The following MLLT3 variants were observed in gnomAD, a reference collection of about 807,000 sequenced individuals.
MLLT3 encodes protein AF-9.
A neutral mutation model predicts 53.2 loss-of-function variants in MLLT3; 4 were observed. That is an observed-to-expected ratio of 0.08 (90% CI 0.04 to 0.17). MLLT3 has a LOEUF of 0.17. MLLT3 is among the 10% of genes least tolerant of loss of function. The probability of loss-of-function intolerance (pLI) is 1.00; values close to 1 mark genes in which losing one functional copy is unlikely to be tolerated. For synonymous variants in MLLT3, 283 were observed against 230.6 expected, an observed-to-expected ratio of 1.23 and a Z score of -2.06; for missense variants, 569 against 684.0, an observed-to-expected ratio of 0.83 and a Z score of 1.87.
intron 2 of MLLT3, among the ~76,000 whole-genome samples, chr9:20,574,294 A>G (rs1819600745): frequency 6.6e-6 from 1 of 152,206 alleles, no homozygotes; most frequent in Non-Finnish European, 1.5e-5. Flanking sequence ...GTTCAAAGGA[A>G]CCTAATTCCA....
At position 20,620,109 on chromosome 9, in the gene MLLT3, A is replaced by G. The variant is rs1587139410; in HGVS notation, c.193+545T>C. On this transcript the variant is annotated intron_variant, in intron 2 of 10. Transcript: ENST00000380338. This position sits in a 1 kb window ranked among gnomAD's most constrained non-coding sequence, Gnocchi z 6.1. ...GGCTAAGCCACAAAAAGAAAAGTCT[A>G]TGGCAACTGGCACCTGGTGCCTCAT... Among the ~76,000 whole-genome samples, 1 of 152,118 alleles carries G rather than the reference A, an allele frequency of 6.6e-6. No homozygotes were observed. Among genetic ancestry groups the G allele is most frequent in the East Asian group, 1.9e-4 (1 of 5,178 alleles).
At position 20,341,837 on chromosome 9, in the gene MLLT3, G is replaced by A. The variant is rs919437267; in HGVS notation, c.*4606C>T. On this transcript the variant is annotated 3_prime_UTR_variant, in exon 11 of 11. Coordinates refer to ENST00000380338, the MANE Select transcript of MLLT3 (RefSeq NM_004529.4). ...CTGAACAAAACCCTCCAAAGAAATAGGGGGGAAAGAAAAAATACCGGGCAC... is the reference window on the plus strand; with the variant it reads ...CTGAACAAAACCCTCCAAAGAAATAAGGGGGAAAGAAAAAATACCGGGCAC... 1 of 205,366 alleles carries A rather than the reference G, an allele frequency of 4.9e-6. No homozygotes were observed. The highest frequency in any genetic ancestry group is 2.3e-5 in the African/African-American group (1 of 43,650). The allele number at this position is 205,366 out of a possible 1,614,324, so 12.7% of individuals were successfully genotyped here.
chr9:20,346,090 A>G lies in MLLT3; in HGVS notation c.*353T>C, dbSNP rs1191990134. 1 of 264,680 alleles carries G rather than the reference A, an allele frequency of 3.8e-6. No homozygotes were observed. The highest frequency in any genetic ancestry group is 5.5e-5 in the East Asian group (1 of 18,084). The allele number at this position is 264,680 out of a possible 1,614,324, so 16.4% of individuals were successfully genotyped here. On this transcript the variant is annotated 3_prime_UTR_variant, in exon 11 of 11. Transcript: ENST00000380338. The stretch of plus-strand genomic sequence containing the variant: ...GTTGAATATGCATTCGTCCTGTGGA[A>G]TGAACCACCACAGAGAGATACATGA...
At position 20,448,047 on chromosome 9, in the gene MLLT3, A is replaced by G; in HGVS notation, c.420+76T>C. ...ACCTTATACTTTTTAACACATGAGG[A>G]ACTAGTTTGTTTGTTTTTTTTTTTG... On this transcript the variant is annotated intron_variant, in intron 4 of 10. Coordinates refer to ENST00000380338, the MANE Select transcript of MLLT3 (RefSeq NM_004529.4). The surrounding 1 kb of genome is among the most constrained non-coding windows in gnomAD (Gnocchi z 4.0). The G allele has an allele frequency of 6.8e-7, 1 of 1,472,500 alleles. No individual in the cohort carries two copies. Among genetic ancestry groups the G allele is most frequent in the South Asian group, 1.3e-5 (1 of 78,368 alleles). 91.2% of individuals were successfully genotyped at this position (1,472,500 alleles called of 1,614,324 possible).
At chr9:20,456,845 CT>C in intron 2 of MLLT3, 59 bp from the exon 3 acceptor site, 2 of 1,283,170 alleles carry the variant, frequency 1.6e-6, no homozygotes, top group Non-Finnish European at 1.1e-6. Context: ...AGACATTCTT[CT>C]TTTAAAAAAA....
At chr9:20,382,102 C>A (rs186982774) in intron 5 of MLLT3, among the ~76,000 whole-genome samples, 29 of 151,770 alleles carry the variant, frequency 1.9e-4, no homozygotes, top group Admixed American at 1.8e-3. Context: ...CACTGGGGCT[C>A]CTATTTTAAA....
At chr9:20,406,531 A>G (rs1822581346) in intron 5 of MLLT3, among the ~76,000 whole-genome samples, 1 of 152,226 alleles carries the variant, frequency 6.6e-6, no homozygotes, top group African/African-American at 2.4e-5. Flanking sequence ...TAGGAGTGTC[A>G]CATAATAAAG....
intron 2 of MLLT3, among the ~76,000 whole-genome samples, chr9:20,557,549 A>C (rs1819094053): frequency 6.6e-6 from 1 of 152,196 alleles, no homozygotes; most frequent in African/African-American, 2.4e-5. Context: ...CCAGATTTTT[A>C]CTGTGTAGAC....
intron 2 of MLLT3, among the ~76,000 whole-genome samples, chr9:20,591,605 A>C (rs1820131403): frequency 6.6e-6 from 1 of 152,240 alleles, no homozygotes; most frequent in African/African-American, 2.4e-5. Flanking sequence ...GAATATCGCG[A>C]AATGTTTAGG....
chr9:20,463,561 A>T (rs1341296336), intron 2 of MLLT3, among the ~76,000 whole-genome samples: 1 of 152,158 alleles, frequency 6.6e-6, no homozygotes, highest in Non-Finnish European at 1.5e-5. Context: ...TACATCTTTC[A>T]CTAAAATTGA....
At chr9:20,561,577 T>C (rs1349556358) in intron 2 of MLLT3, among the ~76,000 whole-genome samples, 2 of 152,174 alleles carry the variant, frequency 1.3e-5, no homozygotes. Flanking sequence ...AAGTTGTCTT[T>C]AAAGTCCAAG....
chr9:20,357,293 T>G (rs1380237555), intron 8 of MLLT3, among the ~76,000 whole-genome samples: 1 of 152,206 alleles, frequency 6.6e-6, no homozygotes, highest in African/African-American at 2.4e-5. Flanking sequence ...GATGTGGTAT[T>G]TTGTTTTTGT....
intron 2 of MLLT3, among the ~76,000 whole-genome samples, chr9:20,562,062 T>C (rs1819229979): frequency 6.6e-6 from 1 of 152,118 alleles, no homozygotes; most frequent in South Asian, 2.1e-4. Context: ...CTATAAATAT[T>C]TTATGTCATA....
chr9:20,462,231 T>C (rs1050634749), intron 2 of MLLT3, among the ~76,000 whole-genome samples: 2 of 152,234 alleles, frequency 1.3e-5, no homozygotes, highest in East Asian at 1.9e-4. Context: ...AGATTCACCA[T>C]TGATTTTATT....
chr9:20,348,325 A>ATT (rs894314129), intron 10 of MLLT3, among the ~76,000 whole-genome samples: 13 of 152,120 alleles, frequency 8.5e-5, no homozygotes, highest in African/African-American at 3.1e-4. Flanking sequence ...AGATGCTGCT[A>ATT]TTTACAATTT....
intron 10 of MLLT3, 99 bp from the exon 11 acceptor site, chr9:20,346,673 T>C: frequency 8.7e-7 from 1 of 1,147,724 alleles, no homozygotes; most frequent in Middle Eastern, 2.0e-4. Context: ...AATCAAGTGA[T>C]AAATATTCGT....
At position 20,620,577 on chromosome 9, in the gene MLLT3, G is replaced by A; in HGVS notation, c.193+77C>T. ...AGCGCGGCGCGGGGGGCGGGGAGCG[G>A]GACAGCGGGACCGCCCGGGCCAAGC... On this transcript the variant is annotated intron_variant, in intron 2 of 10. Transcript: ENST00000380338. The surrounding 1 kb of genome is among the most constrained non-coding windows in gnomAD (Gnocchi z 6.1). 1 of 1,409,684 alleles carries A rather than the reference G, an allele frequency of 7.1e-7. No individual in the cohort carries two copies. The highest frequency in any genetic ancestry group is 2.1e-5 in the Admixed American group (1 of 47,668). The allele number at this position is 1,409,684 out of a possible 1,614,324, so 87.3% of individuals were successfully genotyped here.
chr9:20,543,252 A>G (rs977716840), intron 2 of MLLT3, among the ~76,000 whole-genome samples: 1 of 152,184 alleles, frequency 6.6e-6, no homozygotes, highest in Non-Finnish European at 1.5e-5. Context: ...CTGGCTAACT[A>G]CTTGGTACAA....
chr9:20,593,630 G>GT (rs1402253070), intron 2 of MLLT3, among the ~76,000 whole-genome samples: 2 of 152,206 alleles, frequency 1.3e-5, no homozygotes, highest in Admixed American at 1.3e-4. Flanking sequence ...TTGTTTCTCA[G>GT]TTTTTTTCCT....
Sources: gnomAD v4.1 joint callset for allele counts (sites outside exome capture counted in the v4.1 genomes callset) on GRCh38, gnomAD v4.1.1 for gene constraint, Gnocchi (gnomAD v3.1) non-coding constraint, MANE v1.5 for transcripts, NCBI Gene and HGNC (gene_info 2026-07-23, HGNC 2026-07-21) for gene names.